Variants in MBNL2 observed in about 807,000 individuals in gnomAD.
MBNL2 encodes muscleblind-like protein 2.
Under a neutral mutation model 41.9 loss-of-function variants are expected in MBNL2, and 17 were observed. The observed-to-expected ratio is 0.41, with a 90% CI of 0.28 to 0.61. The LOEUF (loss-of-function observed/expected upper bound fraction) is 0.61. Among genes scored for constraint, MBNL2 ranks in the 20% least tolerant of loss-of-function variants. The pLI is 0.35. For missense variants in MBNL2, 336 were observed against 505.6 expected (o/e 0.66, Z 3.22); for synonymous variants, 195 against 182.9 (o/e 1.07, Z -0.53).
At chr13:97,172,421 C>G in the MBNL2 span, 1 of 152,114 alleles carries the variant, frequency 6.6e-6, no homozygotes, top group Non-Finnish European at 1.5e-5. Flanking sequence ...AAAGGTGAAA[C>G]GATTTCTGCT....
intron 1 of MBNL2, among the ~76,000 whole-genome samples, chr13:97,248,988 C>A (rs996943023): frequency 1.3e-5 from 2 of 152,156 alleles, no homozygotes; most frequent in Non-Finnish European, 2.9e-5. Flanking sequence ...AAAGTGGCCA[C>A]CCCCAACCCC....
intron 1 of MBNL2, among the ~76,000 whole-genome samples, chr13:97,248,791 A>G (rs2045975914): frequency 6.6e-6 from 1 of 152,218 alleles, no homozygotes; most frequent in Non-Finnish European, 1.5e-5. Flanking sequence ...TCAAACTGTC[A>G]TATGTGGTGC....
At chr13:97,176,218 G>T in the MBNL2 span, among the ~76,000 whole-genome samples, 1 of 152,280 alleles carries the variant, frequency 6.6e-6, no homozygotes, top group East Asian at 1.9e-4. Context: ...GAAAGAATTA[G>T]CAGGGATATA....
rs79691182 is a variant in MBNL2, at chr13:97,388,699, A to G, written c.1049-2623A>G. ...TAGTGATATGACAGGCCCTCAGTTG[A>G]TAACTGTTCTTGATCTGTATCCCTG... On this transcript the variant is annotated intron_variant, in intron 8 of 8. Coordinates refer to ENST00000679496, the MANE Select transcript of MBNL2 (RefSeq NM_001382683.1). 2.0e-5 allele frequency among the ~76,000 whole-genome samples: 3 copies of G among 152,232 alleles called. No homozygotes were observed. The East Asian group carries it at 5.8e-4, about 29-fold the overall frequency.
At chr13:97,231,828 A>G (rs770070648) in intron 1 of MBNL2, among the ~76,000 whole-genome samples, 1 of 151,902 alleles carries the variant, frequency 6.6e-6, no homozygotes, top group Non-Finnish European at 1.5e-5. Flanking sequence ...CCTAAGGAAT[A>G]TATGCATTAT....
the MBNL2 span, among the ~76,000 whole-genome samples, chr13:97,204,390 T>C: frequency 6.6e-6 from 1 of 152,180 alleles, no homozygotes; most frequent in African/African-American, 2.4e-5. Context: ...TTATCTAAAA[T>C]AACAAAACAT....
At chr13:97,356,210 T>G (rs1461439230) in intron 5 of MBNL2, among the ~76,000 whole-genome samples, 1 of 151,908 alleles carries the variant, frequency 6.6e-6, no homozygotes, top group Non-Finnish European at 1.5e-5. Context: ...ACCCAACAGT[T>G]TCGCCTAAAT....
intron 8 of MBNL2, among the ~76,000 whole-genome samples, chr13:97,370,502 T>A (rs754410292): frequency 6.6e-6 from 1 of 151,968 alleles, no homozygotes; most frequent in Non-Finnish European, 1.5e-5. Context: ...AAACCCTGTC[T>A]CTACTAAAAA....
intron 2 of MBNL2, among the ~76,000 whole-genome samples, chr13:97,312,702 A>G (rs1446174154): frequency 6.6e-6 from 1 of 152,160 alleles, no homozygotes; most frequent in Non-Finnish European, 1.5e-5. Context: ...GATTCATTTT[A>G]TTACTTATCA....
At chr13:97,237,044 CTGTT>C (rs2043409978) in intron 1 of MBNL2, among the ~76,000 whole-genome samples, 1 of 152,136 alleles carries the variant, frequency 6.6e-6, no homozygotes, top group South Asian at 2.1e-4. Context: ...GCCTGTTAGT[CTGTT>C]TAAGTCAAGG....
chr13:97,263,713 G>A (rs375524301), intron 1 of MBNL2, among the ~76,000 whole-genome samples: 2 of 152,126 alleles, frequency 1.3e-5, no homozygotes, highest in South Asian at 2.1e-4. Flanking sequence ...TGCCTCCTGG[G>A]TTCAAGTGAT....
chr13:97,230,372 T>C (rs1335957597), intron 1 of MBNL2, among the ~76,000 whole-genome samples: 1 of 151,810 alleles, frequency 6.6e-6, no homozygotes, highest in Non-Finnish European at 1.5e-5. Context: ...CGATGATGAG[T>C]TTTTAGACTT....
the MBNL2 span, among the ~76,000 whole-genome samples, chr13:97,187,742 C>T: frequency 2.0e-5 from 3 of 151,484 alleles, no homozygotes; most frequent in African/African-American, 7.3e-5. Flanking sequence ...CCCGTCTCTA[C>T]TAAAAATACA....
At chr13:97,378,194 T>C (rs3782987) in intron 8 of MBNL2, among the ~76,000 whole-genome samples, 65,130 of 151,768 alleles carry the variant, frequency 0.43, 14,409 homozygotes, top group African/African-American at 0.53. Flanking sequence ...TGAAATGTTA[T>C]TATGTAATAA....
Position 97,389,241 on chromosome 13 carries a change from A to T in MBNL2, c.1049-2081A>T, listed in dbSNP as rs536017790. 1.3e-5 allele frequency among the ~76,000 whole-genome samples: 2 copies of T among 152,330 alleles called. 1 individual carries two copies. The highest frequency in any genetic ancestry group is 4.8e-5 in the African/African-American group (2 of 41,578). ...TCAAATACAAGTTCAAAGCCTTGCCATAGGTAACTTCCATAACCCACGTTT... is the reference window on the plus strand; with the variant it reads ...TCAAATACAAGTTCAAAGCCTTGCCTTAGGTAACTTCCATAACCCACGTTT... On this transcript the variant is annotated intron_variant, in intron 8 of 8. Transcript: ENST00000679496.
At chr13:97,293,724 G>A (rs1056318041) in intron 2 of MBNL2, among the ~76,000 whole-genome samples, 6 of 151,956 alleles carry the variant, frequency 3.9e-5, no homozygotes, top group Non-Finnish European at 7.4e-5. Context: ...CCTGAGTCTC[G>A]TACCTTTTTT....
intron 8 of MBNL2, among the ~76,000 whole-genome samples, chr13:97,382,138 A>G (rs1453591734): frequency 6.6e-6 from 1 of 152,172 alleles, no homozygotes; most frequent in African/African-American, 2.4e-5. Context: ...TTAGTAGAGG[A>G]ATTTATCCTG....
chr13:97,187,717 C>A, the MBNL2 span, among the ~76,000 whole-genome samples: 1 of 150,842 alleles, frequency 6.6e-6, no homozygotes, highest in Middle Eastern at 3.4e-3. Context: ...ACCATCCTGG[C>A]TAACACACTG....
intron 2 of MBNL2, among the ~76,000 whole-genome samples, chr13:97,302,924 G>A (rs1182159116): frequency 6.6e-6 from 1 of 152,188 alleles, no homozygotes; most frequent in Non-Finnish European, 1.5e-5. Context: ...CTACAATCAT[G>A]TCATGAAAAA....
Sources: allele counts gnomAD v4.1 joint callset (sites outside exome capture counted in the v4.1 genomes callset), GRCh38; gene constraint gnomAD v4.1.1; transcripts MANE v1.5; gene names NCBI Gene and HGNC (gene_info 2026-07-23, HGNC 2026-07-21).